NEBL: variants seen among roughly 807,000 people sequenced by gnomAD.
The protein encoded by NEBL is nebulette, also known as LIM and SH3 protein 2.
NEBL carries 122 observed loss-of-function variants against 140.2 expected under a neutral mutation model. The ratio of observed to expected loss-of-function variants is 0.87; its 90% CI spans 0.75 to 1.01. The LOEUF (loss-of-function observed/expected upper bound fraction) is 1.01, where lower values mean the gene tolerates loss of function less well. Ranked by LOEUF, NEBL falls within the 50% of genes least tolerant of loss-of-function variation. NEBL has a pLI of 0.00. For synonymous variants in NEBL, 436 were observed against 398.9 expected (o/e 1.09, Z -1.11); for missense variants, 1,365 against 1,231.3 (o/e 1.11, Z -1.62).
chr10:21,239,995 G>A (rs1393525622), intron 3 of NEBL, among the ~76,000 whole-genome samples: 1 of 150,622 alleles, frequency 6.6e-6, no homozygotes, highest in East Asian at 2.0e-4. Context: ...CAGCCTGGGT[G>A]ACAGAGCGAG....
At position 20,808,640 on chromosome 10, in the gene NEBL, C is replaced by G; in HGVS notation, c.2631G>C (p.Arg877Ser). 3 of 1,613,196 alleles carry G rather than the reference C, an allele frequency of 1.9e-6. No individual in the cohort carries two copies. The highest frequency in any genetic ancestry group is 2.5e-6 in the Non-Finnish European group (3 of 1,179,378). Reference protein sequence around the residue: ...HMLSEKASHYRRHWSRSHSSS... With the variant: ...HMLSEKASHYSRHWSRSHSSS... ...TGGAATGGGATCGAGACCAGTGTCG[C>G]CTATAGTGACTCGCCTTTTCTATAT... Residue 877 changes from arginine to serine, a missense_variant, in exon 26 of 28, where the codon AGG becomes AGC. Transcript: ENST00000377122.
Position 20,937,455 on chromosome 10 carries a change from G to C in NEBL, c.357+24217C>G, listed in dbSNP as rs547439228. ...TCACTTCAAAAGTTGAAAGAGCCAG[G>C]GGGTGGAGACAAGATGGTCGAATAG... On this transcript the variant is annotated intron_variant, in intron 4 of 6. Transcript: ENST00000417816. Among the ~76,000 whole-genome samples, 35 of 152,224 alleles carry C rather than the reference G, an allele frequency of 2.3e-4. 1 individual carries two copies. The South Asian group carries it at 5.6e-3, about 24-fold the overall frequency.
Position 20,868,310 on chromosome 10 carries a change from C to CTGTGTGTGTGTGTG in NEBL, c.684+340_684+353dup, listed in dbSNP as rs3085048. The CTGTGTGTGTGTGTG allele has an allele frequency of 2.6e-3, 402 of 155,908 alleles. 1 individual carries two copies. The highest frequency in any genetic ancestry group is 9.4e-3 in the African/African-American group (382 of 40,664). 9.7% of individuals were successfully genotyped at this position (155,908 alleles called of 1,614,324 possible). A position where few individuals can be genotyped will look rare whatever the true frequency, so the allele number is the denominator to read the frequency against. ...AATATTTTTATTACTAAGTTAAAAA[C>CTGTGTGTGTGTGTG]TGTGTGTGTGTGTGTGTGTGTGTGT... On this transcript the variant is annotated intron_variant, in intron 7 of 27. Transcript: ENST00000377122.
intron 1 of NEBL, among the ~76,000 whole-genome samples, chr10:21,270,516 G>A (rs556106091): frequency 2.0e-4 from 30 of 152,058 alleles, no homozygotes; most frequent in African/African-American, 6.0e-4. Context: ...ACAGGTGTGC[G>A]CCACCACACT....
intron 3 of NEBL, among the ~76,000 whole-genome samples, chr10:21,001,964 A>C (rs563591560): frequency 1.3e-5 from 2 of 152,300 alleles, no homozygotes; most frequent in African/African-American, 4.8e-5. Context: ...CACACAATTA[A>C]AAAAGAAACA....
At chr10:21,048,720 G>A (rs1181721003) in intron 2 of NEBL, among the ~76,000 whole-genome samples, 3 of 152,164 alleles carry the variant, frequency 2.0e-5, no homozygotes, top group Non-Finnish European at 4.4e-5. Context: ...TCTAGGCCGG[G>A]CACAGAGGCT....
chr10:21,233,878 C>CAT (rs1406270327), intron 3 of NEBL, among the ~76,000 whole-genome samples: 2 of 132,896 alleles, frequency 1.5e-5, no homozygotes, highest in Non-Finnish European at 1.6e-5. Flanking sequence ...CATATATATG[C>CAT]ATATATAGAT....
chr10:20,953,528 T>TTTTTG (rs374708982), intron 4 of NEBL, among the ~76,000 whole-genome samples: 1 of 96,624 alleles, frequency 1.0e-5, no homozygotes, highest in Non-Finnish European at 2.3e-5. Context: ...TTTTTTTTTT[T>TTTTTG]GTAGGCTCTT....
At chr10:20,896,444 G>A (rs1007837340) in intron 2 of NEBL, among the ~76,000 whole-genome samples, 5 of 137,808 alleles carry the variant, frequency 3.6e-5, no homozygotes, top group African/African-American at 1.1e-4. Flanking sequence ...AAGCAGGTCA[G>A]TAATCAACAA....
chr10:20,841,594 T>G (rs1841415403), intron 12 of NEBL: 1 of 152,140 alleles, frequency 6.6e-6, no homozygotes, highest in African/African-American at 2.4e-5. Context: ...GCATAGATGA[T>G]GGAATCTATG....
Position 20,897,284 on chromosome 10 carries a change from C to T in NEBL, c.-79G>A, listed in dbSNP as rs186194700. The T allele has an allele frequency of 2.1e-5, 32 of 1,515,862 alleles. No individual in the cohort carries two copies. The Admixed American group carries it at 5.1e-4, about 24-fold the overall frequency. 93.9% of individuals were successfully genotyped at this position (1,515,862 alleles called of 1,614,324 possible). On this transcript the variant is annotated 5_prime_UTR_variant, in exon 1 of 28. Transcript: ENST00000377122. ...TCCATACCACAGTGCCCTTGAGATGCTGACGTCTCTGGTGCTCTGGCAGAA... is the reference window on the plus strand; with the variant it reads ...TCCATACCACAGTGCCCTTGAGATGTTGACGTCTCTGGTGCTCTGGCAGAA...
At chr10:20,957,849 C>T (rs1395005616) in intron 4 of NEBL, among the ~76,000 whole-genome samples, 6 of 152,052 alleles carry the variant, frequency 3.9e-5, no homozygotes, top group Non-Finnish European at 5.9e-5. Flanking sequence ...ATCCAGTTTT[C>T]ATCTATGGCA....
intron 2 of NEBL, among the ~76,000 whole-genome samples, chr10:21,100,867 T>C (rs1837445534): frequency 6.6e-6 from 1 of 152,226 alleles, no homozygotes; most frequent in Non-Finnish European, 1.5e-5. Context: ...CTATTATCCA[T>C]TAGATGATGA....
At chr10:21,220,294 A>T (rs965959277) in intron 3 of NEBL, among the ~76,000 whole-genome samples, 3 of 152,230 alleles carry the variant, frequency 2.0e-5, no homozygotes, top group Non-Finnish European at 4.4e-5. Context: ...TGGCATAAAA[A>T]CAGACATATA....
intron 18 of NEBL, 127 bp downstream of exon 18, chr10:20,826,320 G>A (rs1839857311): frequency 1.3e-6 from 1 of 777,866 alleles, no homozygotes. Context: ...GATATATGAT[G>A]AAATAGCATT....
In NEBL at chr10:21,032,747, C is replaced by A. The variant is rs532344372; in HGVS notation, c.165-12546G>T. 3.3e-5 allele frequency among the ~76,000 whole-genome samples: 5 copies of A among 152,240 alleles called. No homozygotes were observed. In the East Asian group the frequency reaches 7.7e-4, roughly 24 times the overall value. ...GCTGAAAGGAGTTACAGAATCCAAA[C>A]CCCTGGCTCTCTAAAGGGCAGTCAA... On this transcript the variant is annotated intron_variant, in intron 2 of 6. Coordinates refer to the NEBL transcript ENST00000417816.
intron 3 of NEBL, among the ~76,000 whole-genome samples, chr10:20,988,862 C>A (rs1041817801): frequency 6.6e-6 from 1 of 152,226 alleles, no homozygotes; most frequent in African/African-American, 2.4e-5. Context: ...TTCTTGGGAG[C>A]ATTTGAGCAG....
rs192993284 is a variant in NEBL, at chr10:20,889,920, G to A, written c.183C>T (p.Ser61=). Reference sequence around the variant, plus strand: ...CAGTCACAAATGTACACTTATCCTTGGACTTTTTAAACTCTTCTTTATAAC... The same window carrying A: ...CAGTCACAAATGTACACTTATCCTTAGACTTTTTAAACTCTTCTTTATAAC... The part of the protein sequence containing the change: ...DIRYKEEFKK[S]KDKCTFVTDS... Residue 61 remains serine (S), a synonymous_variant, in exon 3 of 28, where the codon TCC becomes TCT. Coordinates refer to ENST00000377122, the MANE Select transcript of NEBL (RefSeq NM_006393.3). The A allele has an allele frequency of 2.5e-6, 4 of 1,608,920 alleles. No individual in the cohort carries two copies. The highest frequency in any genetic ancestry group is 2.7e-5 in the African/African-American group (2 of 74,830).
chr10:20,822,123 ATAACAG>A (rs1839378045), intron 19 of NEBL, among the ~76,000 whole-genome samples: 1 of 152,154 alleles, frequency 6.6e-6, no homozygotes. Context: ...CACCCAACAA[ATAACAG>A]TTATTGTAAT....
Sources: allele counts gnomAD v4.1 joint callset (sites outside exome capture counted in the v4.1 genomes callset), GRCh38; gene constraint gnomAD v4.1.1; transcripts MANE v1.5; gene names NCBI Gene and HGNC (gene_info 2026-07-23, HGNC 2026-07-21).